ADGRB3: variants seen among roughly 807,000 people sequenced by gnomAD.
ADGRB3 encodes brain-specific angiogenesis inhibitor 3.
A neutral mutation model predicts 193.4 loss-of-function variants in ADGRB3; 37 were observed. The ratio of observed to expected loss-of-function variants is 0.19; its 90% CI spans 0.15 to 0.25. The LOEUF is 0.25. ADGRB3 is among the 10% of genes least tolerant of loss of function. The probability of loss-of-function intolerance (pLI) is 1.00; values close to 1 mark genes in which losing one functional copy is unlikely to be tolerated. For synonymous variants in ADGRB3, 690 were observed against 644.2 expected, an observed-to-expected ratio of 1.07 and a Z score of -1.08; for missense variants, 1,637 against 1,852.9, an observed-to-expected ratio of 0.88 and a Z score of 2.14.
chr6:68,897,942 AAT>A (rs541416270), intron 3 of ADGRB3, among the ~76,000 whole-genome samples: 92 of 147,552 alleles, frequency 6.2e-4, no homozygotes, highest in African/African-American at 1.9e-3. Flanking sequence ...AACAGAAACA[AAT>A]ATATATATAT....
intron 3 of ADGRB3, among the ~76,000 whole-genome samples, chr6:68,911,748 T>C (rs1766717543): frequency 6.6e-6 from 1 of 152,222 alleles, no homozygotes; most frequent in Non-Finnish European, 1.5e-5. Context: ...TTTTAGCTCA[T>C]GATGTCTTTT....
At chr6:69,241,594 G>T (rs1455155969) in intron 20 of ADGRB3, among the ~76,000 whole-genome samples, 3 of 151,866 alleles carry the variant, frequency 2.0e-5, no homozygotes, top group African/African-American at 4.8e-5. Context: ...TGTCCTCTTT[G>T]TTTTGTAATA....
chr6:69,091,379 G>A lies in ADGRB3; in HGVS notation c.2480+15341G>A, dbSNP rs187070188. 1.8e-3 allele frequency among the ~76,000 whole-genome samples: 272 copies of A among 152,256 alleles called. 3 individuals carry two copies. Among genetic ancestry groups the A allele is most frequent in the Non-Finnish European group, 1.0e-3 (71 of 68,016 alleles). Reference sequence around the variant, plus strand: ...GCACTTTTCACAATAGCAAAGACATGGAATCAGCCAAAGTGCCCATCAGTG... The same window carrying A: ...GCACTTTTCACAATAGCAAAGACATAGAATCAGCCAAAGTGCCCATCAGTG... On this transcript the variant is annotated intron_variant, in intron 17 of 31. Coordinates refer to ENST00000370598, the MANE Select transcript of ADGRB3 (RefSeq NM_001704.3).
intron 15 of ADGRB3, among the ~76,000 whole-genome samples, chr6:69,051,317 T>C (rs1381008805): frequency 1.3e-5 from 2 of 152,190 alleles, no homozygotes; most frequent in Admixed American, 1.3e-4. Context: ...TAAAATGTGG[T>C]AATTGAACTT....
Position 69,388,889 on chromosome 6 carries a change from TA to T in ADGRB3, c.*5del, listed in dbSNP as rs1259503186. ...AGAGGGTGACTTTCAAACAGAAGTT[TA>T]AAAAAATCAAAATGGACTAAGGTAG... ...VQEGDFQTEV[*>X] On this transcript the variant is annotated frameshift_variant and stop_lost, in exon 32 of 32. Coordinates refer to ENST00000370598, the MANE Select transcript of ADGRB3 (RefSeq NM_001704.3). LOFTEE classifies it high-confidence loss of function. 1 of 1,609,184 alleles carries T rather than the reference TA, an allele frequency of 6.2e-7. No homozygotes were observed. Among genetic ancestry groups the T allele is most frequent in the African/African-American group, 1.3e-5 (1 of 74,530 alleles).
At chr6:69,066,215 C>G (rs1771901021) in intron 16 of ADGRB3, among the ~76,000 whole-genome samples, 2 of 151,208 alleles carry the variant, frequency 1.3e-5, no homozygotes, top group East Asian at 3.9e-4. Flanking sequence ...CATGTATACA[C>G]ATATACATGC....
At chr6:69,145,997 G>A (rs1774481027) in intron 17 of ADGRB3, among the ~76,000 whole-genome samples, 1 of 152,128 alleles carries the variant, frequency 6.6e-6, no homozygotes, top group African/African-American at 2.4e-5. Context: ...TCCAGTCCAC[G>A]GGATTACCAG....
At chr6:68,829,025 T>G (rs1767901502) in intron 3 of ADGRB3, among the ~76,000 whole-genome samples, 1 of 151,912 alleles carries the variant, frequency 6.6e-6, no homozygotes, top group Admixed American at 6.6e-5. Context: ...TAGCTAATGA[T>G]TCAAGTATCC....
intron 3 of ADGRB3, among the ~76,000 whole-genome samples, chr6:68,815,562 CT>C (rs1440136814): frequency 6.6e-6 from 1 of 151,096 alleles, no homozygotes; most frequent in Admixed American, 6.6e-5. Context: ...GAACATTCAA[CT>C]TTCAAGATAA....
intron 20 of ADGRB3, among the ~76,000 whole-genome samples, chr6:69,286,618 A>C (rs1767557753): frequency 6.6e-6 from 1 of 152,202 alleles, no homozygotes; most frequent in Admixed American, 6.5e-5. Flanking sequence ...TAGAGAATGC[A>C]GCTGTTGCCA....
At chr6:69,261,024 C>T (rs2127273311) in intron 20 of ADGRB3, among the ~76,000 whole-genome samples, 1 of 152,222 alleles carries the variant, frequency 6.6e-6, no homozygotes, top group African/African-American at 2.4e-5. Context: ...CATAGCAGTT[C>T]ATTTGCTTTC....
rs970635382 is a variant in ADGRB3, at chr6:69,064,306, A to C, written c.2436+1270A>C. ...TTAAACTATTCTAAATAGTTTAACT[A>C]TTTAAACTATTTAACTTTAAACTAT... On this transcript the variant is annotated intron_variant, in intron 16 of 31. Coordinates refer to ENST00000370598, the MANE Select transcript of ADGRB3 (RefSeq NM_001704.3). Among the ~76,000 whole-genome samples the C allele has an allele frequency of 7.1e-4, 108 of 151,914 alleles. 1 individual carries two copies. The highest frequency in any genetic ancestry group is 2.4e-3 in the African/African-American group (101 of 41,556).
In ADGRB3 at chr6:69,090,260, G is replaced by A. The variant is rs191055706; in HGVS notation, c.2480+14222G>A. On this transcript the variant is annotated intron_variant, in intron 17 of 31. Transcript: ENST00000370598. ...AAAGTGCCTGGACTATGAGGTCATC[G>A]CCTTCTTTAGTATCTCTGGGACCTT... Among the ~76,000 whole-genome samples, 18 of 152,204 alleles carry A rather than the reference G, an allele frequency of 1.2e-4. 2 individuals are homozygous for A. In the South Asian group the frequency reaches 1.5e-3, roughly 12 times the overall value.
At chr6:68,852,803 G>A (rs1168932582) in intron 3 of ADGRB3, among the ~76,000 whole-genome samples, 1 of 151,952 alleles carries the variant, frequency 6.6e-6, no homozygotes, top group Non-Finnish European at 1.5e-5. Context: ...AACTAATTTA[G>A]TTGGAAATGA....
chr6:68,772,890 A>AT (rs1554191366), intron 3 of ADGRB3, among the ~76,000 whole-genome samples: 62 of 46,060 alleles, frequency 1.3e-3, no homozygotes, highest in Non-Finnish European at 2.0e-3. Context: ...AACAAAAAAA[A>AT]AAAAATATAT....
intron 20 of ADGRB3, among the ~76,000 whole-genome samples, chr6:69,294,270 G>A (rs747921509): frequency 2.0e-5 from 3 of 151,898 alleles, no homozygotes; most frequent in Non-Finnish European, 4.4e-5. Context: ...CTATTACAAA[G>A]ATAGATTCAG....
At chr6:69,009,862 A>G (rs902180885) in intron 11 of ADGRB3, among the ~76,000 whole-genome samples, 2 of 152,054 alleles carry the variant, frequency 1.3e-5, no homozygotes, top group Non-Finnish European at 2.9e-5. Flanking sequence ...CTAATCTACA[A>G]CTCTATTTCC....
intron 3 of ADGRB3, among the ~76,000 whole-genome samples, chr6:68,813,430 TAGTAAC>T (rs1468816775): frequency 8.5e-5 from 13 of 152,148 alleles, no homozygotes; most frequent in Admixed American, 5.2e-4. Context: ...AATACGTTAA[TAGTAAC>T]AGTAACAAAC....
At chr6:69,147,681 T>C (rs975479161) in intron 17 of ADGRB3, among the ~76,000 whole-genome samples, 6 of 152,216 alleles carry the variant, frequency 3.9e-5, no homozygotes, top group Non-Finnish European at 7.4e-5. Flanking sequence ...TGAAGCTGAG[T>C]CTGGTGTTTT....
Sources: allele counts gnomAD v4.1 joint callset (sites outside exome capture counted in the v4.1 genomes callset), GRCh38; gene constraint gnomAD v4.1.1; transcripts MANE v1.5; gene names NCBI Gene and HGNC (gene_info 2026-07-23, HGNC 2026-07-21).